Variants in PCDHGB1 observed in about 807,000 individuals in gnomAD.
PCDHGB1 encodes protocadherin gamma subfamily B, 1, also known as protocadherin gamma-B1.
Under a neutral mutation model 56.6 loss-of-function variants are expected in PCDHGB1, and 34 were observed. The observed-to-expected ratio is 0.60, with a 90% CI of 0.46 to 0.80. PCDHGB1 has a LOEUF of 0.80. Ranked by LOEUF, PCDHGB1 falls within the 30% of genes least tolerant of loss-of-function variation. PCDHGB1 has a pLI of 0.00. For missense variants in PCDHGB1, 1,278 were observed against 1,204.6 expected (o/e 1.06, Z -0.90); for synonymous variants, 561 against 505.9 (o/e 1.11, Z -1.46).
intron 1 of PCDHGB1, chr5:141,426,875 C>T (rs1005769074): frequency 8.8e-6 from 4 of 456,566 alleles, no homozygotes; most frequent in African/African-American, 4.0e-5. Context: ...TGGAGAAGCC[C>T]CTGGGCCAGG....
At chr5:141,456,971 A>G (rs1031714073) in intron 1 of PCDHGB1, among the ~76,000 whole-genome samples, 1 of 147,384 alleles carries the variant, frequency 6.8e-6, no homozygotes, top group Non-Finnish European at 1.5e-5. Context: ...TCAAAACAAA[A>G]CAAACAAACA....
chr5:141,451,813 G>A (rs921877961), intron 1 of PCDHGB1, among the ~76,000 whole-genome samples: 13 of 150,788 alleles, frequency 8.6e-5, no homozygotes, highest in East Asian at 2.0e-4. Context: ...CCCAGGAGGC[G>A]GAGGTTACAG....
chr5:141,454,546 A>G (rs1342532359), intron 1 of PCDHGB1, among the ~76,000 whole-genome samples: 1 of 152,098 alleles, frequency 6.6e-6, no homozygotes, highest in African/African-American at 2.4e-5. Flanking sequence ...AGCTGAGATT[A>G]CAGGCATGTG....
rs753358324 is a variant in PCDHGB1, at chr5:141,487,328, G to A, written c.2410-7479G>A. On this transcript the variant is annotated intron_variant, in intron 1 of 3. Transcript: ENST00000523390. This position sits in a 1 kb window ranked among gnomAD's most constrained non-coding sequence, Gnocchi z 5.0. ...ACTACTCTCTAAGTGTCTTCGTGGG[G>A]CAGCCTGTGGAGTCACATGCTTTCC... 1.2e-6 allele frequency: 2 copies of A among 1,613,962 alleles called. No individual in the cohort carries two copies. The highest frequency in any genetic ancestry group is 2.2e-5 in the East Asian group (1 of 44,874).
chr5:141,383,505 G>C (rs1461557707), intron 1 of PCDHGB1: 10 of 1,612,818 alleles, frequency 6.2e-6, no homozygotes, highest in Admixed American at 1.7e-5. Context: ...TGCTGGACCG[G>C]GAGGAAGAGC....
chr5:141,413,075 AG>A (rs1225722826), intron 1 of PCDHGB1: 11 of 1,246,492 alleles, frequency 8.8e-6, no homozygotes, highest in Non-Finnish European at 1.1e-5. Context: ...TAAAGTGCCC[AG>A]GCTACAGAGA....
intron 1 of PCDHGB1, chr5:141,371,293 A>T (rs748951789): frequency 1.2e-6 from 2 of 1,614,006 alleles, no homozygotes; most frequent in Non-Finnish European, 1.7e-6. Context: ...AAAACGGGGG[A>T]ACTCACCACT....
intron 3 of PCDHGB1, among the ~76,000 whole-genome samples, chr5:141,509,277 T>TC (rs566266970): frequency 0.011 from 1,653 of 152,240 alleles, 22 homozygotes; most frequent in Non-Finnish European, 0.018. Context: ...CGCTACCCGC[T>TC]CCCAGGGTCC....
chr5:141,426,817 C>G (rs942714141), intron 1 of PCDHGB1: 4 of 456,594 alleles, frequency 8.8e-6, no homozygotes, highest in Non-Finnish European at 1.8e-5. Flanking sequence ...GAACATTTCT[C>G]TCTGATGATG....
At position 141,371,994 on chromosome 5, in the gene PCDHGB1, G is replaced by T. The variant is rs769252405; in HGVS notation, c.2409+19325G>T. The T allele has an allele frequency of 1.2e-6, 2 of 1,613,246 alleles. No individual in the cohort carries two copies. Among genetic ancestry groups the T allele is most frequent in the Non-Finnish European group, 1.7e-6 (2 of 1,179,762 alleles). Reference sequence around the variant, plus strand: ...GCGTGCCTTCGAGCTCACTCTGCAGGCCCGCGACCAGGGCTCGCCTACGCT... The same window carrying T: ...GCGTGCCTTCGAGCTCACTCTGCAGTCCCGCGACCAGGGCTCGCCTACGCT... On this transcript the variant is annotated intron_variant, in intron 1 of 3. Coordinates refer to ENST00000523390, the MANE Select transcript of PCDHGB1 (RefSeq NM_018922.3).
chr5:141,383,304 G>T (rs1779007855), intron 1 of PCDHGB1: 1 of 1,613,800 alleles, frequency 6.2e-7, no homozygotes. Context: ...GATTCTTGAC[G>T]GAAGAAATAA....
intron 1 of PCDHGB1, chr5:141,356,834 A>C: frequency 6.2e-7 from 1 of 1,614,166 alleles, no homozygotes; most frequent in Non-Finnish European, 8.5e-7. Flanking sequence ...CTCAGCAGCA[A>C]TGTGTCACTG....
At chr5:141,435,665 A>C (rs1029846055) in intron 1 of PCDHGB1, among the ~76,000 whole-genome samples, 2 of 152,206 alleles carry the variant, frequency 1.3e-5, no homozygotes, top group African/African-American at 4.8e-5. Flanking sequence ...CACAGATTCC[A>C]AGTGTTTTCT....
intron 1 of PCDHGB1, among the ~76,000 whole-genome samples, chr5:141,430,366 A>G (rs551419486): frequency 3.3e-5 from 5 of 150,370 alleles, no homozygotes; most frequent in Admixed American, 6.7e-5. Context: ...CTCATTGGGG[A>G]AAAAAAAGCT....
At chr5:141,366,394 C>A in intron 1 of PCDHGB1, 1 of 1,614,168 alleles carries the variant, frequency 6.2e-7, no homozygotes, top group Non-Finnish European at 8.5e-7. Flanking sequence ...AGGATCTGGA[C>A]CTCACACTCT....
intron 1 of PCDHGB1, chr5:141,427,297 A>G (rs1292641772): frequency 2.2e-6 from 1 of 456,900 alleles, no homozygotes; most frequent in Non-Finnish European, 4.4e-6. Context: ...ATCCTAGATG[A>G]GAATGACAAT....
At chr5:141,403,390 G>A in intron 1 of PCDHGB1, 1 of 1,614,038 alleles carries the variant, frequency 6.2e-7, no homozygotes, top group Non-Finnish European at 8.5e-7. Context: ...ACGAAATCGC[G>A]GTTCCTGGAG....
rs368231432 is a variant in PCDHGB1 at position 141,374,734 on chromosome 5, C to T, written c.2409+22065C>T. On this transcript the variant is annotated intron_variant, in intron 1 of 3. Coordinates refer to ENST00000523390, the MANE Select transcript of PCDHGB1 (RefSeq NM_018922.3). ...GCCTGGTCCTTACTGCCATGGATGGCGGCGACCCTGTCCGCTCAAGCGTCG... is the reference window on the plus strand; with the variant it reads ...GCCTGGTCCTTACTGCCATGGATGGTGGCGACCCTGTCCGCTCAAGCGTCG... 43 of 1,610,046 alleles carry T rather than the reference C, an allele frequency of 2.7e-5. 2 individuals are homozygous for T. In the South Asian group the frequency reaches 4.2e-4, roughly 16 times the overall value.
Position 141,350,495 on chromosome 5 carries a change from G to A in PCDHGB1, c.235G>A (p.Gly79Arg), listed in dbSNP as rs1406977700. Reference sequence around the variant, plus strand: ...TTATTTCAACGTTAGTTTGGAGAGCGGGGATTTGTTAGTGAACGGTAGGAT... The same window carrying A: ...TTATTTCAACGTTAGTTTGGAGAGCAGGGATTTGTTAGTGAACGGTAGGAT... ...EDYFNVSLES[G>R]DLLVNGRIDR... Residue 79 changes from glycine (G) to arginine (R), a missense_variant, in exon 1 of 4, where the codon GGG (glycine) becomes AGG (arginine). Physicochemically the swap from Gly to Arg is moderately radical, Grantham distance 125 (BLOSUM62 -2). Coordinates refer to ENST00000523390, the MANE Select transcript of PCDHGB1 (RefSeq NM_018922.3). 2.5e-6 allele frequency: 4 copies of A among 1,613,908 alleles called. No individual in the cohort carries two copies. The highest frequency in any genetic ancestry group is 2.7e-5 in the African/African-American group (2 of 74,912).
Sources: gnomAD v4.1 joint callset for allele counts (sites outside exome capture counted in the v4.1 genomes callset) on GRCh38, gnomAD v4.1.1 for gene constraint, Gnocchi (gnomAD v3.1) non-coding constraint, MANE v1.5 for transcripts, NCBI Gene and HGNC (gene_info 2026-07-23, HGNC 2026-07-21) for gene names.